The following COL4A1 variants were observed in gnomAD, a reference collection of about 807,000 sequenced individuals.
COL4A1 encodes collagen alpha-1(IV) chain.
A neutral mutation model predicts 216.6 loss-of-function variants in COL4A1; 40 were observed. The ratio of observed to expected loss-of-function variants is 0.18; its 90% confidence interval spans 0.14 to 0.24. COL4A1 has a LOEUF of 0.24. COL4A1 is among the 10% of genes least tolerant of loss of function. COL4A1 has a pLI of 1.00. For synonymous variants in COL4A1, 839 were observed against 810.7 expected, an observed-to-expected ratio of 1.03 and a Z score of -0.59; for missense variants, 1,628 against 2,196.8, an observed-to-expected ratio of 0.74 and a Z score of 5.18.
chr13:110,272,219 T>C (rs1201175112), intron 1 of COL4A1, among the ~76,000 whole-genome samples: 2 of 152,248 alleles, frequency 1.3e-5, no homozygotes, highest in East Asian at 1.9e-4. Context: ...CAGACCTCTT[T>C]TTCTTTTTCA....
intron 1 of COL4A1, among the ~76,000 whole-genome samples, chr13:110,280,983 G>A (rs1883610428): frequency 1.3e-5 from 2 of 152,140 alleles, no homozygotes; most frequent in Non-Finnish European, 2.9e-5. Flanking sequence ...CTTTGGATCA[G>A]TAAAATATGG....
intron 49 of COL4A1, among the ~76,000 whole-genome samples, chr13:110,160,286 C>A (rs1392609959): frequency 1.4e-5 from 2 of 139,654 alleles, no homozygotes; most frequent in Non-Finnish European, 3.0e-5. Context: ...ACTAAAAATA[C>A]AAAAAATTAG....
chr13:110,172,904 C>CT, intron 40 of COL4A1, 134 bp from the exon 41 acceptor site: 2 of 761,920 alleles, frequency 2.6e-6, no homozygotes, highest in Non-Finnish European at 4.8e-6. Context: ...TAATTGCACC[C>CT]TTGTAATAAA....
chr13:110,290,179 T>C (rs1884029022), intron 1 of COL4A1, among the ~76,000 whole-genome samples: 1 of 152,216 alleles, frequency 6.6e-6, no homozygotes, highest in South Asian at 2.1e-4. Context: ...TAAAGCCTAG[T>C]TGAAGGCCTT....
rs73611484 is a variant in COL4A1 at position 110,211,721 on chromosome 13, T to C, written c.442-48A>G. 5,515 of 1,574,622 alleles carry C rather than the reference T, an allele frequency of 3.5e-3. 163 individuals carry two copies. The African/African-American group carries it at 0.068, about 19-fold the overall frequency. ...TAGTTTTGTTTTTCTCAAAATATCA[T>C]TAGCATTAAAATTGTTATCATGTAA... On this transcript the variant is annotated intron_variant, in intron 7 of 51. Coordinates refer to ENST00000375820, the MANE Select transcript of COL4A1 (RefSeq NM_001845.6). This position sits in a 1 kb window ranked among gnomAD's most constrained non-coding sequence, Gnocchi z 4.3.
At chr13:110,206,626 G>T (rs1380660246) in intron 15 of COL4A1, 39 bp downstream of exon 15, 1 of 1,607,728 alleles carries the variant, frequency 6.2e-7, no homozygotes, top group Admixed American at 1.7e-5. Context: ...CATGGAAGGA[G>T]AATTGTTTTA....
At chr13:110,220,164 C>T (rs1956801895) in intron 2 of COL4A1, among the ~76,000 whole-genome samples, 1 of 151,980 alleles carries the variant, frequency 6.6e-6, no homozygotes, top group South Asian at 2.1e-4. Flanking sequence ...TCTTGAACTC[C>T]TAACCTCATG....
At chr13:110,225,246 C>A (rs1253467659) in intron 2 of COL4A1, among the ~76,000 whole-genome samples, 1 of 152,176 alleles carries the variant, frequency 6.6e-6, no homozygotes, top group Non-Finnish European at 1.5e-5. Context: ...TTCCCTCCCC[C>A]CAGCACTTCG....
In COL4A1 at chr13:110,152,706, T is replaced by G. The variant is rs565300670; in HGVS notation, c.4756-200A>C. 9.2e-5 allele frequency among the ~76,000 whole-genome samples: 14 copies of G among 152,368 alleles called. 1 individual carries two copies. The highest frequency in any genetic ancestry group is 2.9e-4 in the African/African-American group (12 of 41,590). ...CAGTGCCTGCATGGCTGGGGCCCCA[T>G]GGTGCTCAGCATGGCCCCAGGGATC... On this transcript the variant is annotated intron_variant, in intron 50 of 51. Coordinates refer to ENST00000375820, the MANE Select transcript of COL4A1 (RefSeq NM_001845.6).
chr13:110,160,565 C>T (rs746978142), intron 49 of COL4A1, among the ~76,000 whole-genome samples: 3 of 152,292 alleles, frequency 2.0e-5, no homozygotes, highest in South Asian at 2.1e-4. Flanking sequence ...ACTGTTCCAA[C>T]GCTTGCTGAA....
chr13:110,227,393 C>T (rs944870928), intron 2 of COL4A1, among the ~76,000 whole-genome samples: 22 of 126,464 alleles, frequency 1.7e-4, no homozygotes, highest in Admixed American at 8.3e-5. Context: ...GGTAGACACA[C>T]ACACACACAC....
chr13:110,194,423 A>G (rs1337438524), intron 22 of COL4A1, among the ~76,000 whole-genome samples: 1 of 152,206 alleles, frequency 6.6e-6, no homozygotes, highest in Non-Finnish European at 1.5e-5. Context: ...CCTCTAAGGC[A>G]GGACTGTTGA....
chr13:110,242,802 G>A (rs1881625248), intron 1 of COL4A1, 68 bp from the exon 2 acceptor site: 1 of 1,539,024 alleles, frequency 6.5e-7, no homozygotes, highest in Non-Finnish European at 9.0e-7. Flanking sequence ...TGCAAATGGA[G>A]ATGGTTCTGG....
chr13:110,209,980 T>C lies in COL4A1; in HGVS notation c.615A>G (p.Pro205=), dbSNP rs764383853. 5 of 1,614,080 alleles carry C rather than the reference T, an allele frequency of 3.1e-6. No homozygotes were observed. The highest frequency in any genetic ancestry group is 2.7e-5 in the African/African-American group (2 of 74,940). Residue 205 remains proline (P), a splice_region_variant and synonymous_variant, in exon 10 of 52, where the codon CCA becomes CCG. Transcript: ENST00000375820. ...CGGAGAGACAGCCCCCAAAACTTAC[T>C]GGTGGTCCGGTAAATCCTGGAGGCC... The part of the protein sequence containing the change: ...PVGPPGFTGP[P]GPPGPPGPPG...
Position 110,207,596 on chromosome 13 carries a change from T to G in COL4A1, c.694-107A>C. 1.2e-6 allele frequency: 1 copy of G among 844,450 alleles called. No homozygotes were observed. The highest frequency in any genetic ancestry group is 2.0e-6 in the Non-Finnish European group (1 of 506,830). The allele number at this position is 844,450 out of a possible 1,614,324, so 52.3% of individuals were successfully genotyped here. A position where few individuals can be genotyped will look rare whatever the true frequency, so the allele number is the denominator to read the frequency against. On this transcript the variant is annotated intron_variant, in intron 12 of 51. Transcript: ENST00000375820. The surrounding 1 kb of genome is among the most constrained non-coding windows in gnomAD (Gnocchi z 4.4). ...TAAAATAAAACACCTATTTTTAAAA[T>G]GTAATTATACTCTATTCTGTTCTAA... is the stretch of plus-strand genomic sequence containing the variant.
intron 1 of COL4A1, among the ~76,000 whole-genome samples, chr13:110,263,277 C>G (rs186932983): frequency 6.6e-6 from 1 of 152,072 alleles, no homozygotes. Flanking sequence ...AAATCAGGAA[C>G]GGAGGTTCAG....
intron 17 of COL4A1, 123 bp downstream of exon 17, chr13:110,205,230 A>G: frequency 8.6e-7 from 1 of 1,169,234 alleles, no homozygotes; most frequent in Non-Finnish European, 1.2e-6. Flanking sequence ...GTTTTTACCC[A>G]GAAGAAGCAT....
chr13:110,237,902 C>T (rs1043660988), intron 2 of COL4A1, among the ~76,000 whole-genome samples: 5 of 152,242 alleles, frequency 3.3e-5, no homozygotes, highest in Non-Finnish European at 5.9e-5. Flanking sequence ...CTCAGCCATA[C>T]ACGACATTAA....
chr13:110,253,599 G>GTA (rs1291503431), intron 1 of COL4A1, among the ~76,000 whole-genome samples: 54 of 137,000 alleles, frequency 3.9e-4, no homozygotes, highest in Non-Finnish European at 7.3e-4. Flanking sequence ...ATAATTATAC[G>GTA]TATGTATGTA....
Sources: gnomAD v4.1 joint callset for allele counts (sites outside exome capture counted in the v4.1 genomes callset) on GRCh38, gnomAD v4.1.1 for gene constraint, Gnocchi (gnomAD v3.1) non-coding constraint, MANE v1.5 for transcripts, NCBI Gene and HGNC (gene_info 2026-07-23, HGNC 2026-07-21) for gene names.